The following GCNT1 variants were observed in gnomAD, a reference collection of about 807,000 sequenced individuals.
The protein encoded by GCNT1 is beta-1,3-galactosyl-O-glycosyl-glycoprotein beta-1,6-N-acetylglucosaminyltransferase.
GCNT1 carries 16 observed loss-of-function variants against 26.2 expected under a neutral mutation model. The observed-to-expected ratio is 0.61, with a 90% CI of 0.41 to 0.93. GCNT1 has a LOEUF of 0.93. Ranked by LOEUF, GCNT1 falls within the 40% of genes least tolerant of loss-of-function variation. The pLI is 0.00. For synonymous variants in GCNT1, 183 were observed against 190.8 expected, an observed-to-expected ratio of 0.96 and a Z score of 0.34; for missense variants, 477 against 526.7, an observed-to-expected ratio of 0.91 and a Z score of 0.92.
intron 1 of GCNT1, among the ~76,000 whole-genome samples, chr9:76,447,151 CAA>C (rs532132124): frequency 0.069 from 2,465 of 35,836 alleles, 10 homozygotes; most frequent in Non-Finnish European, 0.087. Flanking sequence ...AACCCTGTGT[CAA>C]AAAAAAAAAA....
At chr9:76,457,953 G>A (rs1168345527), upstream of GCNT1, among the ~76,000 whole-genome samples, 3 of 151,580 alleles carry the variant, frequency 2.0e-5, no homozygotes, top group Non-Finnish European at 4.4e-5. Flanking sequence ...GGAGGCAGAG[G>A]GAATATTAGT....
chr9:76,475,031 C>A (rs543390385), intron 2 of GCNT1, among the ~76,000 whole-genome samples: 21 of 152,184 alleles, frequency 1.4e-4, no homozygotes, highest in African/African-American at 4.8e-4. Context: ...CCTGCCTCAG[C>A]CTCTTGAGTA....
At chr9:76,465,163 T>A (rs938727549) in intron 2 of GCNT1, among the ~76,000 whole-genome samples, 3 of 151,764 alleles carry the variant, frequency 2.0e-5, no homozygotes, top group Non-Finnish European at 4.4e-5. Flanking sequence ...GAGTTTTTTT[T>A]TTTTTATTTT....
chr9:76,423,840 G>A (rs1367065668), intron 1 of GCNT1, among the ~76,000 whole-genome samples: 1 of 152,202 alleles, frequency 6.6e-6, no homozygotes, highest in Non-Finnish European at 1.5e-5. Context: ...TATTGAGATA[G>A]TATCCTTTTT....
rs1825151741 is a variant in GCNT1, at chr9:76,503,564, C to T, written c.1183C>T (p.His395Tyr). The change falls in exon 4 of 4, where the codon CAC becomes TAC. Residue 395 changes from histidine (H) to tyrosine (Y), a missense_variant. His to Tyr is a moderately conservative substitution (Grantham distance 83, BLOSUM62 2). Transcript: ENST00000376730. ...AGDLNWMLRK[H>Y]HLFANKFDVD... ...TGACTTGAACTGGATGCTGCGCAAA[C>T]ACCACTTGTTTGCCAATAAGTTTGA... 6.2e-7 allele frequency: 1 copy of T among 1,614,046 alleles called. No homozygotes were observed. Among genetic ancestry groups the T allele is most frequent in the African/African-American group, 1.3e-5 (1 of 74,936 alleles).
chr9:76,470,070 G>A (rs1026149128), intron 2 of GCNT1, among the ~76,000 whole-genome samples: 2 of 152,082 alleles, frequency 1.3e-5, no homozygotes, highest in Non-Finnish European at 2.9e-5. Context: ...AATTTTGCAT[G>A]CTTGTCATTA....
the GCNT1 span, chr9:76,399,102 C>T: frequency 6.9e-6 from 11 of 1,584,082 alleles, no homozygotes; most frequent in East Asian, 4.5e-5. Context: ...CAGCCTCTCA[C>T]GGAGGCATCT....
upstream of GCNT1, among the ~76,000 whole-genome samples, chr9:76,454,512 G>A (rs1289175398): frequency 2.6e-5 from 4 of 151,920 alleles, no homozygotes; most frequent in African/African-American, 7.3e-5. Context: ...CTTCTTGGGA[G>A]GGGATGTGAT....
chr9:76,394,033 T>A, the GCNT1 span: 1 of 1,512,584 alleles, frequency 6.6e-7, no homozygotes, highest in Non-Finnish European at 8.9e-7. Flanking sequence ...CCGGCTGCCG[T>A]CTCTCCCCGC....
chr9:76,410,370 T>G, the GCNT1 span, among the ~76,000 whole-genome samples: 2 of 152,182 alleles, frequency 1.3e-5, no homozygotes, highest in Non-Finnish European at 2.9e-5. Context: ...AGGCAGAGGT[T>G]GCAGTCAGCT....
At chr9:76,414,746 A>G in the GCNT1 span, among the ~76,000 whole-genome samples, 1 of 152,206 alleles carries the variant, frequency 6.6e-6, no homozygotes, top group Non-Finnish European at 1.5e-5. Flanking sequence ...TAACGAACAT[A>G]TAATGAGAAG....
chr9:76,503,320 A>T lies in GCNT1; in HGVS notation c.939A>T (p.Gln313His). The part of the protein sequence containing the change: ...EKIQKLMEWA[Q>H]DTYSPDEYLW... Reference sequence around the variant, plus strand: ...TCCAAAAGTTGATGGAGTGGGCACAAGACACATACAGCCCTGATGAGTATC... The same window carrying T: ...TCCAAAAGTTGATGGAGTGGGCACATGACACATACAGCCCTGATGAGTATC... Residue 313 changes from glutamine (Q) to histidine (H), a missense_variant, in exon 4 of 4, where the codon CAA becomes CAT. Physicochemically the swap from Gln to His is conservative, Grantham distance 24. Transcript: ENST00000376730. 6.2e-7 allele frequency: 1 copy of T among 1,614,194 alleles called. No individual in the cohort carries two copies. The highest frequency in any genetic ancestry group is 8.5e-7 in the Non-Finnish European group (1 of 1,180,010).
At chr9:76,499,050 A>T (rs1201652604) in intron 2 of GCNT1, among the ~76,000 whole-genome samples, 2 of 150,748 alleles carry the variant, frequency 1.3e-5, no homozygotes, top group Admixed American at 6.6e-5. Context: ...GCTAGTGATA[A>T]TTTTTTTTTT....
intron 1 of GCNT1, among the ~76,000 whole-genome samples, chr9:76,433,867 TCA>T (rs1364090677): frequency 1.3e-5 from 2 of 152,218 alleles, no homozygotes; most frequent in African/African-American, 4.8e-5. Flanking sequence ...ACTTCAGCCC[TCA>T]GTTTGTTGTC....
chr9:76,469,078 C>T lies in GCNT1; in HGVS notation c.-290+8901C>T, dbSNP rs572029295. 5.3e-5 allele frequency among the ~76,000 whole-genome samples: 8 copies of T among 151,842 alleles called. No homozygotes were observed. The South Asian group carries it at 1.7e-3, about 32-fold the overall frequency. ...TGATTGAAACCCACTGGGCAAATTT[C>T]GCCAAAAAACTATGTGATTGGTGGA... On this transcript the variant is annotated intron_variant, in intron 2 of 3. Transcript: ENST00000376730.
chr9:76,504,375 A>G lies in GCNT1; in HGVS notation c.*707A>G. ...CTTATGTTATTAGCAAGGTTAAGAC[A>G]TCTTTTTTAAAAAAATTATAGCTTC... is the stretch of plus-strand genomic sequence containing the variant. On this transcript the variant is annotated 3_prime_UTR_variant, in exon 4 of 4. Coordinates refer to ENST00000376730, the MANE Select transcript of GCNT1 (RefSeq NM_001490.5). 1 of 181,682 alleles carries G rather than the reference A, an allele frequency of 5.5e-6. No homozygotes were observed. The allele number at this position is 181,682 out of a possible 1,614,324, so 11.3% of individuals were successfully genotyped here.
At chr9:76,453,254 G>A (rs1173481598) in intron 1 of GCNT1, among the ~76,000 whole-genome samples, 1 of 152,186 alleles carries the variant, frequency 6.6e-6, no homozygotes, top group African/African-American at 2.4e-5. Flanking sequence ...ATGAGTTGAG[G>A]AGCTGGAGTG....
chr9:76,488,953 T>A (rs56249952), intron 2 of GCNT1, among the ~76,000 whole-genome samples: 12,556 of 152,260 alleles, frequency 0.082, 576 homozygotes, highest in Middle Eastern at 0.17. Flanking sequence ...ATCATTTTAT[T>A]TTTTTGCTCA....
At chr9:76,407,874 G>C in the GCNT1 span, among the ~76,000 whole-genome samples, 2 of 152,100 alleles carry the variant, frequency 1.3e-5, no homozygotes, top group Admixed American at 1.3e-4. Context: ...ATTTTGGGGT[G>C]TTAATATAAA....
Sources: gnomAD v4.1 joint callset for allele counts (sites outside exome capture counted in the v4.1 genomes callset) on GRCh38, gnomAD v4.1.1 for gene constraint, MANE v1.5 for transcripts, NCBI Gene and HGNC (gene_info 2026-07-23, HGNC 2026-07-21) for gene names.